ADI1: variants seen among roughly 807,000 people sequenced by gnomAD.
The protein encoded by ADI1 is acireductone dioxygenase.
In ADI1, 21 loss-of-function variants were observed where a neutral mutation model predicts 18.7. That is an observed-to-expected ratio of 1.13 (90% CI 0.80 to 1.62). ADI1 has a LOEUF of 1.62. Among genes scored for constraint, ADI1 ranks in the 40% most tolerant of loss-of-function variants. ADI1 has a pLI of 0.00. For synonymous variants in ADI1, 90 were observed against 100.1 expected, an observed-to-expected ratio of 0.90 and a Z score of 0.60; for missense variants, 245 against 254.9, an observed-to-expected ratio of 0.96 and a Z score of 0.26.
At chr2:3,506,822 G>T (rs1667185873) in intron 2 of ADI1, among the ~76,000 whole-genome samples, 1 of 152,226 alleles carries the variant, frequency 6.6e-6, no homozygotes, top group Non-Finnish European at 1.5e-5. Context: ...TCAAGACTGA[G>T]ACACTGGTGA....
At chr2:3,503,078 G>A (rs1667062616) in intron 2 of ADI1, among the ~76,000 whole-genome samples, 1 of 151,244 alleles carries the variant, frequency 6.6e-6, no homozygotes, top group African/African-American at 2.4e-5. Context: ...CACTCACACA[G>A]GCGCACTGTC....
Position 3,498,691 on chromosome 2 carries a change from C to T in ADI1, c.*272G>A. Reference sequence around the variant, plus strand: ...ACTGCATTTCGGGAGATGAAACTTTCATTTGGGACTCAACTGAATGCATGA... The same window carrying T: ...ACTGCATTTCGGGAGATGAAACTTTTATTTGGGACTCAACTGAATGCATGA... On this transcript the variant is annotated 3_prime_UTR_variant, in exon 4 of 4. Transcript: ENST00000327435. 2.8e-6 allele frequency: 1 copy of T among 358,890 alleles called. No homozygotes were observed. Among genetic ancestry groups the T allele is most frequent in the Non-Finnish European group, 4.9e-6 (1 of 204,746 alleles). The allele number at this position is 358,890 out of a possible 1,614,324, so 22.2% of individuals were successfully genotyped here.
intron 1 of ADI1, 177 bp downstream of exon 1, chr2:3,519,191 A>G: frequency 1.0e-6 from 1 of 955,536 alleles, no homozygotes; most frequent in Non-Finnish European, 1.4e-6. Context: ...ACTGCTGAGC[A>G]TGCGCAGCCC....
chr2:3,514,367 G>C (rs1226960757), intron 1 of ADI1, among the ~76,000 whole-genome samples: 1 of 152,170 alleles, frequency 6.6e-6, no homozygotes, highest in Non-Finnish European at 1.5e-5. Flanking sequence ...TCTTTGGTCA[G>C]TTTGTTTCCA....
chr2:3,499,505 A>G (rs891011008), intron 3 of ADI1, among the ~76,000 whole-genome samples: 2 of 152,332 alleles, frequency 1.3e-5, no homozygotes, highest in African/African-American at 4.8e-5. Context: ...ATCCGTCCAG[A>G]CTAAAAACGC....
At chr2:3,509,717 T>TCTGGGG (rs1667253448) in intron 2 of ADI1, among the ~76,000 whole-genome samples, 1 of 151,574 alleles carries the variant, frequency 6.6e-6, no homozygotes. Context: ...TTTACAGCAC[T>TCTGGGG]AAACCCCCGT....
chr2:3,515,072 A>G, intron 1 of ADI1: 1 of 397,532 alleles, frequency 2.5e-6, no homozygotes, highest in Non-Finnish European at 4.3e-6. Flanking sequence ...GAACAATATG[A>G]AATCAGTACA....
intron 2 of ADI1, among the ~76,000 whole-genome samples, chr2:3,512,628 G>A (rs1294622391): frequency 1.3e-5 from 2 of 152,238 alleles, no homozygotes; most frequent in Non-Finnish European, 2.9e-5. Context: ...TGAGGCTTGG[G>A]ATTCTCCACC....
At position 3,503,611 on chromosome 2, in the gene ADI1, G is replaced by A. The variant is rs137942906; in HGVS notation, c.241-2618C>T. Among the ~76,000 whole-genome samples, 388 of 151,966 alleles carry A rather than the reference G, an allele frequency of 2.6e-3. 14 individuals carry two copies. Among genetic ancestry groups the A allele is most frequent in the African/African-American group, 9.0e-3 (372 of 41,256 alleles). On this transcript the variant is annotated intron_variant, in intron 2 of 3. Coordinates refer to ENST00000327435, the MANE Select transcript of ADI1 (RefSeq NM_018269.4). ...TCCACAGAAAGCACCTGAGCACAGC[G>A]ACTCTGCAGGGCACTCCCATCCGAG...
chr2:3,500,793 G>A (rs1325914011), intron 3 of ADI1, 21 bp downstream of exon 3: 1 of 1,613,220 alleles, frequency 6.2e-7, no homozygotes, highest in African/African-American at 1.3e-5. Flanking sequence ...CGGGCCTGGG[G>A]AGAAAGCACA....
rs931498056 is a variant in ADI1, at chr2:3,498,542, C to T, written c.*421G>A. 3.8e-5 allele frequency: 6 copies of T among 157,222 alleles called. No individual in the cohort carries two copies. In the Admixed American group the frequency reaches 3.8e-4, roughly 10 times the overall value. 9.7% of individuals were successfully genotyped at this position (157,222 alleles called of 1,614,324 possible). Reference sequence around the variant, plus strand: ...TTAGGGTGGGAGCTCTTCCCCCTACCACTCCCCACCCCAAGGCATCATTTT... The same window carrying T: ...TTAGGGTGGGAGCTCTTCCCCCTACTACTCCCCACCCCAAGGCATCATTTT... On this transcript the variant is annotated 3_prime_UTR_variant, in exon 4 of 4. Coordinates refer to ENST00000327435, the MANE Select transcript of ADI1 (RefSeq NM_018269.4).
chr2:3,504,039 G>A (rs1044460559), intron 2 of ADI1, among the ~76,000 whole-genome samples: 7 of 152,138 alleles, frequency 4.6e-5, no homozygotes, highest in Non-Finnish European at 8.8e-5. Flanking sequence ...AAGTTTGAGG[G>A]GAAATGGGAT....
intron 2 of ADI1, among the ~76,000 whole-genome samples, chr2:3,504,812 T>C (rs901389085): frequency 2.0e-5 from 3 of 152,164 alleles, no homozygotes; most frequent in Admixed American, 6.5e-5. Flanking sequence ...CCTGAGTATG[T>C]TTCTATTGTT....
At chr2:3,514,223 G>A (rs1485225285) in intron 1 of ADI1, among the ~76,000 whole-genome samples, 1 of 152,100 alleles carries the variant, frequency 6.6e-6, no homozygotes, top group Non-Finnish European at 1.5e-5. Context: ...GTCCATCCCA[G>A]GGGATTCTTT....
At chr2:3,503,097 A>G (rs977863542) in intron 2 of ADI1, among the ~76,000 whole-genome samples, 2 of 152,084 alleles carry the variant, frequency 1.3e-5, no homozygotes, top group Non-Finnish European at 1.5e-5. Flanking sequence ...TCACACAAGC[A>G]CACACACTCC....
chr2:3,512,539 C>T (rs1262235084), intron 2 of ADI1, among the ~76,000 whole-genome samples: 1 of 152,222 alleles, frequency 6.6e-6, no homozygotes, highest in Admixed American at 6.5e-5. Flanking sequence ...GCTTGGGCCA[C>T]AGCTCCAGAG....
At chr2:3,517,761 A>T (rs1417566590) in intron 1 of ADI1, 1 of 152,182 alleles carries the variant, frequency 6.6e-6, no homozygotes, top group Non-Finnish European at 1.5e-5. Context: ...AGCAAAAAAA[A>T]AAAAGAAAGG....
intron 1 of ADI1, 131 bp from the exon 2 acceptor site, chr2:3,514,107 A>G: frequency 3.7e-6 from 4 of 1,088,606 alleles, no homozygotes; most frequent in Non-Finnish European, 5.1e-6. Context: ...CCCTCAACTA[A>G]CTCTCTTCAT....
Position 3,510,789 on chromosome 2 carries a change from A to C in ADI1, c.240+3068T>G, listed in dbSNP as rs1416414554. On this transcript the variant is annotated intron_variant, in intron 2 of 3. Coordinates refer to ENST00000327435, the MANE Select transcript of ADI1 (RefSeq NM_018269.4). ...CATCTAGTAAAGAAGTTGAACTCAC[A>C]GTTAAAAACCTTCCCACAAAGAAAA... Among the ~76,000 whole-genome samples the C allele has an allele frequency of 2.6e-5, 4 of 152,242 alleles. No homozygotes were observed. In the East Asian group the frequency reaches 7.7e-4, roughly 29 times the overall value.
Sources: gnomAD v4.1 joint callset for allele counts (sites outside exome capture counted in the v4.1 genomes callset) on GRCh38, gnomAD v4.1.1 for gene constraint, MANE v1.5 for transcripts, NCBI Gene and HGNC (gene_info 2026-07-23, HGNC 2026-07-21) for gene names.